The following MAPK8IP2 variants were observed in gnomAD, a reference collection of about 807,000 sequenced individuals.
MAPK8IP2 encodes mitogen-activated protein kinase 8 interacting protein 2, also known as C-Jun-amino-terminal kinase-interacting protein 2.
In MAPK8IP2, 15 loss-of-function variants were observed where a neutral mutation model predicts 75.6. That is an observed-to-expected ratio of 0.20 (90% CI 0.13 to 0.31). The LOEUF is 0.31. MAPK8IP2 is among the 10% of genes least tolerant of loss of function. The probability of loss-of-function intolerance (pLI) is 1.00; values close to 1 mark genes in which losing one functional copy is unlikely to be tolerated. For missense variants in MAPK8IP2, 1,089 were observed against 1,211.2 expected (o/e 0.90, Z 1.50); for synonymous variants, 632 against 554.5 (o/e 1.14, Z -1.96).
chr22:50,608,768 G>C (rs1226144569), intron 10 of MAPK8IP2, among the ~76,000 whole-genome samples: 1 of 134,034 alleles, frequency 7.5e-6, no homozygotes. Flanking sequence ...CACCGGGACA[G>C]CGGACGGGGC....
At position 50,604,268 on chromosome 22, in the gene MAPK8IP2, C is replaced by A; in HGVS notation, c.969C>A (p.Gly323=). 1 of 1,568,862 alleles carries A rather than the reference C, an allele frequency of 6.4e-7. No homozygotes were observed. Among genetic ancestry groups the A allele is most frequent in the Non-Finnish European group, 8.6e-7 (1 of 1,165,546 alleles). ...GCCGCCCCGCCTTCCTGCCCGTGGG[C>A]CCCGACGACACCAACAGCGAGTACG... ...PPRRPAFLPV[G]PDDTNSEYES... Residue 323 remains glycine, a synonymous_variant, in exon 5 of 12, where the codon GGC becomes GGA. Transcript: ENST00000329492.
At position 50,610,180 on chromosome 22, in the gene MAPK8IP2, C is replaced by G; in HGVS notation, c.2304-32C>G. 1.9e-6 allele frequency: 3 copies of G among 1,552,244 alleles called. No individual in the cohort carries two copies. Among genetic ancestry groups the G allele is most frequent in the Non-Finnish European group, 2.6e-6 (3 of 1,137,980 alleles). On this transcript the variant is annotated intron_variant, in intron 10 of 11. Transcript: ENST00000329492. This position sits in a 1 kb window ranked among gnomAD's most constrained non-coding sequence, Gnocchi z 4.3. ...GGGTGGCCAAGGCTGGGCCAGGGCTCTGACGTGCCCTCCACACTGACTTGC... is the reference window on the plus strand; with the variant it reads ...GGGTGGCCAAGGCTGGGCCAGGGCTGTGACGTGCCCTCCACACTGACTTGC...
chr22:50,605,236 C>G, intron 5 of MAPK8IP2, 132 bp from the exon 6 acceptor site: 1 of 1,109,358 alleles, frequency 9.0e-7, no homozygotes, highest in South Asian at 1.4e-5. Context: ...TCTGCCTCAG[C>G]TCCTTCCCGC....
intron 2 of MAPK8IP2, among the ~76,000 whole-genome samples, chr22:50,602,865 A>G (rs1053428826): frequency 6.6e-6 from 1 of 152,322 alleles, no homozygotes; most frequent in East Asian, 1.9e-4. Flanking sequence ...GGGGCTTGCA[A>G]CAGACCAAAA....
chr22:50,606,910 C>G lies in MAPK8IP2; in HGVS notation c.2233-11C>G, dbSNP rs1283884730. On this transcript the variant is annotated splice_polypyrimidine_tract_variant and intron_variant, in intron 9 of 11. Transcript: ENST00000329492. ...CTTTGACACAGGGACTTCTGCCCACCTCTGCTCTAGTTCCAGCGCTGCAGC... is the reference window on the plus strand; with the variant it reads ...CTTTGACACAGGGACTTCTGCCCACGTCTGCTCTAGTTCCAGCGCTGCAGC... 6.8e-6 allele frequency: 11 copies of G among 1,613,662 alleles called. No homozygotes were observed. Among genetic ancestry groups the G allele is most frequent in the Non-Finnish European group, 9.3e-6 (11 of 1,179,718 alleles).
rs1350218095 is a variant in MAPK8IP2, at chr22:50,604,919, C to T, written c.1620C>T (p.Ser540=). Residue 540 remains serine (S), a synonymous_variant, in exon 5 of 12, where the codon AGC becomes AGT. Transcript: ENST00000329492. The stretch of plus-strand genomic sequence containing the variant: ...TGGGCCACGACAGCGAAGAGGACAG[C>T]GGCGGGGAGGCCAGCGAGGAGGAGG... The part of the protein sequence containing the change: ...AGLGHDSEED[S]GGEASEEEAG... 2.5e-6 allele frequency: 4 copies of T among 1,604,758 alleles called. No homozygotes were observed. The highest frequency in any genetic ancestry group is 8.5e-7 in the Non-Finnish European group (1 of 1,175,634).
chr22:50,601,299 T>G (rs1603444202), intron 1 of MAPK8IP2: 4 of 153,152 alleles, frequency 2.6e-5, no homozygotes, highest in Non-Finnish European at 2.9e-5. Flanking sequence ...CGGGAGAGAG[T>G]GGAAATCAAG....
Position 50,612,284 on chromosome 22 carries a change from T to G in MAPK8IP2, c.*1505T>G, listed in dbSNP as rs529784957. 1 of 152,328 alleles carries G rather than the reference T, an allele frequency of 6.6e-6. No homozygotes were observed. The highest frequency in any genetic ancestry group is 6.5e-5 in the Admixed American group (1 of 15,310). 9.4% of individuals were successfully genotyped at this position (152,328 alleles called of 1,614,324 possible). ...CTTTTTCACTATGTGCTTAGGTGAC[T>G]GCAGATGCCCGGCAATGTTCCCTCC... On this transcript the variant is annotated 3_prime_UTR_variant, in exon 12 of 12. Coordinates refer to ENST00000329492, the MANE Select transcript of MAPK8IP2 (RefSeq NM_012324.6).
chr22:50,610,640 C>T lies in MAPK8IP2; in HGVS notation c.2403-67C>T. 1.5e-6 allele frequency: 2 copies of T among 1,312,298 alleles called. No individual in the cohort carries two copies. The highest frequency in any genetic ancestry group is 2.2e-6 in the Non-Finnish European group (2 of 928,480). 81.3% of individuals were successfully genotyped at this position (1,312,298 alleles called of 1,614,324 possible). ...AGGAAGGAGGGAGAGCTCAGAGGCTCTGTGGAAGGCAGTTTGGGGGTTGAG... is the reference window on the plus strand; with the variant it reads ...AGGAAGGAGGGAGAGCTCAGAGGCTTTGTGGAAGGCAGTTTGGGGGTTGAG... On this transcript the variant is annotated intron_variant, in intron 11 of 11. Coordinates refer to ENST00000329492, the MANE Select transcript of MAPK8IP2 (RefSeq NM_012324.6). This position sits in a 1 kb window ranked among gnomAD's most constrained non-coding sequence, Gnocchi z 4.3.
chr22:50,606,590 C>A, intron 8 of MAPK8IP2, 68 bp from the exon 9 acceptor site: 1 of 1,094,088 alleles, frequency 9.1e-7, no homozygotes, highest in South Asian at 1.3e-5. Flanking sequence ...AGGCGTAGTC[C>A]CACCAAGGGG....
intron 10 of MAPK8IP2, among the ~76,000 whole-genome samples, chr22:50,609,428 C>T (rs923470772): frequency 2.4e-4 from 37 of 152,172 alleles, no homozygotes; most frequent in South Asian, 2.1e-4. Context: ...ATCTGTGGGT[C>T]GGCGCTTATT....
Position 50,603,443 on chromosome 22 carries a change from A to G in MAPK8IP2, c.392A>G (p.Glu131Gly). 1 of 1,570,042 alleles carries G rather than the reference A, an allele frequency of 6.4e-7. No individual in the cohort carries two copies. Residue 131 changes from glutamate (E) to glycine (G), a missense_variant, in exon 3 of 12, where the codon GAG becomes GGG. Physicochemically the swap from Glu to Gly is moderately conservative, Grantham distance 98 (BLOSUM62 -2). Around this residue, in one of 2 missense-constraint regions of MAPK8IP2, gnomAD observed 960 missense variants for 1,009.6 expected, o/e 0.95. Transcript: ENST00000329492. Reference protein sequence around the residue: ...PGPLIPSPSVEEPHKHRPTTL... With the variant: ...PGPLIPSPSVGEPHKHRPTTL... ...CCCCTTATCCCCTCCCCTTCCGTGG[A>G]GGAGCCCCACAAGCACCGGCCCACC...
chr22:50,604,018 G>A lies in MAPK8IP2; in HGVS notation c.719G>A (p.Arg240His), dbSNP rs1376343930. The A allele has an allele frequency of 6.4e-7, 1 of 1,553,756 alleles. No homozygotes were observed. Among genetic ancestry groups the A allele is most frequent in the South Asian group, 1.2e-5 (1 of 85,006 alleles). The stretch of plus-strand genomic sequence containing the variant: ...CTGAGAAGCCGCTCGAGCGGCGGCC[G>A]CGGGGGACGTCGCAGCAGCCAGGAG... The part of the protein sequence containing the change: ...ADLRSRSSGG[R>H]GGRRSSQELS... Residue 240 changes from arginine (R) to histidine (H), a missense_variant, in exon 5 of 12, where the codon CGC becomes CAC. Arg to His is a conservative substitution (Grantham distance 29). Around this residue, in one of 2 missense-constraint regions of MAPK8IP2, gnomAD observed 960 missense variants for 1,009.6 expected, o/e 0.95. Coordinates refer to ENST00000329492, the MANE Select transcript of MAPK8IP2 (RefSeq NM_012324.6).
chr22:50,606,267 C>T (rs1188465801), intron 8 of MAPK8IP2, among the ~76,000 whole-genome samples: 1 of 145,350 alleles, frequency 6.9e-6, no homozygotes, highest in Non-Finnish European at 1.5e-5. Flanking sequence ...CCTGGGAGCC[C>T]TCTACTCATC....
At position 50,604,903 on chromosome 22, in the gene MAPK8IP2, A is replaced by G; in HGVS notation, c.1604A>G (p.Asp535Gly). ...SLRRCAGLGH[D>G]SEEDSGGEAS... The stretch of plus-strand genomic sequence containing the variant: ...CGGCGCTGTGCTGGGCTGGGCCACG[A>G]CAGCGAAGAGGACAGCGGCGGGGAG... Residue 535 changes from aspartate to glycine, a missense_variant, in exon 5 of 12, where the codon GAC becomes GGC. Asp to Gly is a moderately conservative substitution (Grantham distance 94). This residue lies in a region of MAPK8IP2 where 960 missense variants were observed against 1,009.6 expected (regional missense o/e 0.95). Coordinates refer to ENST00000329492, the MANE Select transcript of MAPK8IP2 (RefSeq NM_012324.6). 6.2e-7 allele frequency: 1 copy of G among 1,609,942 alleles called. No homozygotes were observed. Among genetic ancestry groups the G allele is most frequent in the Middle Eastern group, 1.7e-4 (1 of 5,930 alleles).
Position 50,603,958 on chromosome 22 carries a change from C to T in MAPK8IP2, c.659C>T (p.Thr220Ile). 6.5e-7 allele frequency: 1 copy of T among 1,549,472 alleles called. No homozygotes were observed. Among genetic ancestry groups the T allele is most frequent in the Non-Finnish European group, 8.7e-7 (1 of 1,153,180 alleles). The change falls in exon 5 of 12, where the codon ACT becomes ATT. Residue 220 changes from threonine (T) to isoleucine (I), a missense_variant. Coordinates refer to ENST00000329492, the MANE Select transcript of MAPK8IP2 (RefSeq NM_012324.6). ...RPAEPPAPGG[T>I]SPSSDPGIEA... Reference sequence around the variant, plus strand: ...GCGGAACCCCCTGCGCCAGGGGGGACTTCGCCCTCCTCAGATCCCGGCATC... The same window carrying T: ...GCGGAACCCCCTGCGCCAGGGGGGATTTCGCCCTCCTCAGATCCCGGCATC...
chr22:50,607,032 C>A lies in MAPK8IP2; in HGVS notation c.2303+41C>A. On this transcript the variant is annotated intron_variant, in intron 10 of 11. Coordinates refer to ENST00000329492, the MANE Select transcript of MAPK8IP2 (RefSeq NM_012324.6). The surrounding 1 kb of genome is among the most constrained non-coding windows in gnomAD (Gnocchi z 5.6). The stretch of plus-strand genomic sequence containing the variant: ...TCCCCGAGTCCCCCAACCGCCCCCA[C>A]AAACCCTGAGAGTCCAACCGCCCCC... 4.5e-6 allele frequency: 7 copies of A among 1,565,568 alleles called. No individual in the cohort carries two copies. Among genetic ancestry groups the A allele is most frequent in the Non-Finnish European group, 6.2e-6 (7 of 1,136,236 alleles).
rs1370644398 is a variant in MAPK8IP2 at position 50,603,895 on chromosome 22, C to T, written c.596C>T (p.Pro199Leu). ...TDTGPGGAQS[P>L]VRPGCDCEGN... ...ACCGGGCCCGGCGGGGCGCAGTCGC[C>T]AGTGCGCCCGGGTTGCGACTGCGAA... Residue 199 changes from proline to leucine, a missense_variant, in exon 5 of 12, where the codon CCA becomes CTA. Pro to Leu is a moderately conservative substitution (Grantham distance 98, BLOSUM62 -3). Around this residue, in one of 2 missense-constraint regions of MAPK8IP2, gnomAD observed 960 missense variants for 1,009.6 expected, o/e 0.95. Transcript: ENST00000329492. 6 of 1,536,294 alleles carry T rather than the reference C, an allele frequency of 3.9e-6. No individual in the cohort carries two copies. The highest frequency in any genetic ancestry group is 5.2e-6 in the Non-Finnish European group (6 of 1,144,440).
At position 50,606,981 on chromosome 22, in the gene MAPK8IP2, C is replaced by G. The variant is rs373094479; in HGVS notation, c.2293C>G (p.Arg765Gly). The part of the protein sequence containing the change: ...KNISFCGCHP[R>G]NSCYFGFITK... ...CATCTCCTTCTGCGGCTGCCATCCCCGCAACAGCTGGTGAGAGTCTGACCG... is the reference window on the plus strand; with the variant it reads ...CATCTCCTTCTGCGGCTGCCATCCCGGCAACAGCTGGTGAGAGTCTGACCG... The change falls in exon 10 of 12, where the codon CGC becomes GGC. Residue 765 changes from arginine to glycine, a missense_variant. Physicochemically the swap from Arg to Gly is moderately radical, Grantham distance 125. Transcript: ENST00000329492. 6.2e-7 allele frequency: 1 copy of G among 1,613,554 alleles called. No individual in the cohort carries two copies. Among genetic ancestry groups the G allele is most frequent in the Non-Finnish European group, 8.5e-7 (1 of 1,179,742 alleles).
Sources: gnomAD v4.1 joint callset for allele counts (sites outside exome capture counted in the v4.1 genomes callset) on GRCh38, gnomAD v4.1.1 for gene constraint, gnomAD v4.1.1 regional missense constraint, Gnocchi (gnomAD v3.1) non-coding constraint, MANE v1.5 for transcripts, NCBI Gene and HGNC (gene_info 2026-07-23, HGNC 2026-07-21) for gene names.